The following PDE5A variants were observed in gnomAD, a reference collection of about 807,000 sequenced individuals.
PDE5A encodes the protein phosphodiesterase 5A.
A neutral mutation model predicts 110.2 loss-of-function variants in PDE5A; 67 were observed. The observed-to-expected ratio is 0.61, with a 90% CI of 0.50 to 0.75. PDE5A has a LOEUF of 0.75. Among genes scored for constraint, PDE5A ranks in the 30% least tolerant of loss-of-function variants. The pLI is 0.00. For synonymous variants in PDE5A, 328 were observed against 351.2 expected (o/e 0.93, Z 0.74); for missense variants, 862 against 1,045.1 (o/e 0.82, Z 2.42).
chr4:119,525,396 T>C lies in PDE5A; in HGVS notation c.1779+153A>G, dbSNP rs1578743406. ...GTCTTTTTGATAATGATAATTTTTC[T>C]TTAAAAGTCTCGGGTATATATTAGG... is the stretch of plus-strand genomic sequence containing the variant. On this transcript the variant is annotated intron_variant, in intron 12 of 20. Coordinates refer to ENST00000354960, the MANE Select transcript of PDE5A (RefSeq NM_001083.4). This position sits in a 1 kb window ranked among gnomAD's most constrained non-coding sequence, Gnocchi z 4.3. Among the ~76,000 whole-genome samples the C allele has an allele frequency of 6.6e-6, 1 of 152,168 alleles. No homozygotes were observed. The highest frequency in any genetic ancestry group is 1.9e-4 in the East Asian group (1 of 5,192).
At chr4:119,504,087 C>T (rs886760281) in intron 18 of PDE5A, among the ~76,000 whole-genome samples, 2 of 151,988 alleles carry the variant, frequency 1.3e-5, no homozygotes, top group African/African-American at 2.4e-5. Context: ...GTTCTTCACC[C>T]CTTGTTCTTT....
At chr4:119,502,383 CAA>C (rs1478266048) in intron 19 of PDE5A, 196 bp downstream of exon 19, 12 of 435,676 alleles carry the variant, frequency 2.8e-5, no homozygotes, top group African/African-American at 1.2e-4. Context: ...ATGATGAACC[CAA>C]GAGTCTTTAT....
chr4:119,576,877 C>G (rs1728372111), intron 3 of PDE5A, among the ~76,000 whole-genome samples: 1 of 151,980 alleles, frequency 6.6e-6, no homozygotes, highest in Non-Finnish European at 1.5e-5. Context: ...AAAAACCCGT[C>G]AAAAAATCAA....
chr4:119,624,691 C>T (rs1403295614), intron 1 of PDE5A, among the ~76,000 whole-genome samples: 1 of 152,214 alleles, frequency 6.6e-6, no homozygotes, highest in Non-Finnish European at 1.5e-5. Context: ...ACATCACCCA[C>T]AATCACAGAG....
intron 3 of PDE5A, among the ~76,000 whole-genome samples, chr4:119,576,849 G>A (rs1429160136): frequency 2.0e-5 from 3 of 152,180 alleles, no homozygotes; most frequent in African/African-American, 7.2e-5. Flanking sequence ...GAGCAGAACT[G>A]AAGGAAACAG....
At chr4:119,562,140 T>A (rs902829910) in intron 6 of PDE5A, among the ~76,000 whole-genome samples, 1 of 152,140 alleles carries the variant, frequency 6.6e-6, no homozygotes, top group African/African-American at 2.4e-5. Flanking sequence ...AGAAAGTGCA[T>A]AAAGAAAAAC....
At chr4:119,588,170 CTTTT>C (rs11297755) in intron 3 of PDE5A, among the ~76,000 whole-genome samples, 2 of 129,076 alleles carry the variant, frequency 1.5e-5, no homozygotes, top group Non-Finnish European at 3.3e-5. Flanking sequence ...CCAATTTTTT[CTTTT>C]TTTTTTTTTT....
At chr4:119,597,511 T>A (rs537860183) in intron 2 of PDE5A, among the ~76,000 whole-genome samples, 2 of 152,060 alleles carry the variant, frequency 1.3e-5, no homozygotes, top group East Asian at 3.9e-4. Context: ...TACAACAACA[T>A]GAGGTTAGAG....
intron 13 of PDE5A, chr4:119,519,405 A>G: frequency 2.7e-6 from 1 of 370,396 alleles, no homozygotes; most frequent in Non-Finnish European, 4.8e-6. Context: ...ACCTATAGTA[A>G]GTATTGCTAA....
At chr4:119,499,913 G>A (rs1725234897) in intron 20 of PDE5A, 1 of 151,888 alleles carries the variant, frequency 6.6e-6, no homozygotes, top group South Asian at 2.1e-4. Flanking sequence ...AAAAATACTT[G>A]TCAGTATCAC....
rs1320193657 is a variant in PDE5A, at chr4:119,496,583, G to C, written c.*2018C>G. The C allele has an allele frequency of 6.6e-6, 1 of 152,432 alleles. No individual in the cohort carries two copies. The highest frequency in any genetic ancestry group is 1.5e-5 in the Non-Finnish European group (1 of 67,976). The allele number at this position is 152,432 out of a possible 1,614,324, so 9.4% of individuals were successfully genotyped here. ...TTTCTCAGTGACACATACTAGAGGGGACCAAACAAACTACTAAAGCATAAG... is the reference window on the plus strand; with the variant it reads ...TTTCTCAGTGACACATACTAGAGGGCACCAAACAAACTACTAAAGCATAAG... On this transcript the variant is annotated 3_prime_UTR_variant, in exon 21 of 21. Transcript: ENST00000354960.
chr4:119,570,745 A>C (rs1728112992), intron 3 of PDE5A, among the ~76,000 whole-genome samples: 1 of 152,170 alleles, frequency 6.6e-6, no homozygotes, highest in Non-Finnish European at 1.5e-5. Context: ...CTCAGCATGG[A>C]AACTAAAAGC....
rs1725130533 is a variant in PDE5A at position 119,497,773 on chromosome 4, G to A, written c.*828C>T. Reference sequence around the variant, plus strand: ...AAGCTCAGAAGGAAAAAAACTCTTAGAGAGATCTTCTAACAGAACATTTTT... The same window carrying A: ...AAGCTCAGAAGGAAAAAAACTCTTAAAGAGATCTTCTAACAGAACATTTTT... On this transcript the variant is annotated 3_prime_UTR_variant, in exon 21 of 21. Transcript: ENST00000354960. 2.0e-5 allele frequency: 3 copies of A among 152,044 alleles called. No individual in the cohort carries two copies. Among genetic ancestry groups the A allele is most frequent in the Admixed American group, 2.0e-4 (3 of 15,250 alleles). 9.4% of individuals were successfully genotyped at this position (152,044 alleles called of 1,614,324 possible). A position where few individuals can be genotyped will look rare whatever the true frequency, so the allele number is the denominator to read the frequency against.
intron 3 of PDE5A, among the ~76,000 whole-genome samples, chr4:119,592,582 T>G (rs754824734): frequency 2.0e-5 from 3 of 151,918 alleles, no homozygotes; most frequent in Admixed American, 6.6e-5. Flanking sequence ...AGTTTTAGAT[T>G]ATTTTTGGAT....
chr4:119,576,319 G>T (rs905909507), intron 3 of PDE5A, among the ~76,000 whole-genome samples: 7 of 152,168 alleles, frequency 4.6e-5, no homozygotes, highest in African/African-American at 1.7e-4. Context: ...CTTGAACTCA[G>T]CTCTGCACCA....
intron 17 of PDE5A, 97 bp downstream of exon 17, chr4:119,505,758 A>G: frequency 1.4e-6 from 1 of 691,970 alleles, no homozygotes. Context: ...ATCATATTGT[A>G]ACAAATAATT....
rs191054440 is a variant in PDE5A at position 119,575,734 on chromosome 4, G to A, written c.832-8590C>T. On this transcript the variant is annotated intron_variant, in intron 3 of 20. Transcript: ENST00000354960. ...CCGGTACCAGCCACTGCAAAAACAT[G>A]CCAAACTGTAAAGACCATCAAGGCT... 5.9e-5 allele frequency among the ~76,000 whole-genome samples: 9 copies of A among 152,284 alleles called. No homozygotes were observed. The East Asian group carries it at 1.7e-3, about 29-fold the overall frequency.
intron 3 of PDE5A, among the ~76,000 whole-genome samples, chr4:119,585,254 G>A (rs1450362183): frequency 1.4e-5 from 2 of 141,088 alleles, no homozygotes; most frequent in African/African-American, 5.3e-5. Flanking sequence ...CAGCCTGGGC[G>A]ACAAGAGTGA....
chr4:119,621,744 G>A (rs915269328), intron 1 of PDE5A, among the ~76,000 whole-genome samples: 1 of 152,140 alleles, frequency 6.6e-6, no homozygotes, highest in East Asian at 1.9e-4. Context: ...AATCCCGCAA[G>A]CAATTAAAAT....
Sources: gnomAD v4.1 joint callset for allele counts (sites outside exome capture counted in the v4.1 genomes callset) on GRCh38, gnomAD v4.1.1 for gene constraint, Gnocchi (gnomAD v3.1) non-coding constraint, MANE v1.5 for transcripts, NCBI Gene and HGNC (gene_info 2026-07-23, HGNC 2026-07-21) for gene names.